RASGRF2: variants seen among roughly 807,000 people sequenced by gnomAD.
RASGRF2 encodes ras-specific guanine nucleotide-releasing factor 2.
Under a neutral mutation model 151.0 loss-of-function variants are expected in RASGRF2, and 76 were observed. That is an observed-to-expected ratio of 0.50 (90% CI 0.42 to 0.61). The LOEUF (loss-of-function observed/expected upper bound fraction) is 0.61, where lower values mean the gene tolerates loss of function less well. Ranked by LOEUF, RASGRF2 falls within the 20% of genes least tolerant of loss-of-function variation. The pLI is 0.00. For missense variants in RASGRF2, 1,148 were observed against 1,564.6 expected, an observed-to-expected ratio of 0.73 and a Z score of 4.49; for synonymous variants, 504 against 566.5, an observed-to-expected ratio of 0.89 and a Z score of 1.57.
chr5:81,070,284 ACTT>A, intron 3 of RASGRF2: 2 of 484,240 alleles, frequency 4.1e-6, no homozygotes, highest in South Asian at 4.6e-5. Flanking sequence ...TTACACAGTC[ACTT>A]CTTATAAACA....
At chr5:81,210,323 C>T (rs1408131831) in intron 22 of RASGRF2, 1 of 152,482 alleles carries the variant, frequency 6.6e-6, no homozygotes, top group East Asian at 1.9e-4. Context: ...TTGAGCCAGT[C>T]GCTCCCGCGC....
intron 1 of RASGRF2, among the ~76,000 whole-genome samples, chr5:80,976,233 T>G (rs1409675672): frequency 6.6e-6 from 1 of 152,138 alleles, no homozygotes; most frequent in Non-Finnish European, 1.5e-5. Flanking sequence ...AGAGCCACTC[T>G]TTGTTTAATG....
intron 3 of RASGRF2, 78 bp downstream of exon 3, chr5:81,068,257 A>G (rs1751669654): frequency 6.7e-7 from 1 of 1,492,058 alleles, no homozygotes; most frequent in Non-Finnish European, 9.0e-7. Flanking sequence ...AGGCCTATTC[A>G]GGGCAACATT....
At chr5:81,021,590 G>T (rs1481780754) in intron 1 of RASGRF2, among the ~76,000 whole-genome samples, 1 of 152,158 alleles carries the variant, frequency 6.6e-6, no homozygotes, top group Admixed American at 6.5e-5. Context: ...GTCTATCAGA[G>T]GGTGAGGCAG....
rs575911567 is a variant in RASGRF2 at position 81,185,818 on chromosome 5, G to A, written c.2793+5537G>A. Among the ~76,000 whole-genome samples, 161 of 152,318 alleles carry A rather than the reference G, an allele frequency of 1.1e-3. 1 individual carries two copies. The highest frequency in any genetic ancestry group is 2.7e-3 in the Admixed American group (42 of 15,302). Reference sequence around the variant, plus strand: ...AGGGCTAGAGGGAGGCTGGACTGAAGTTTTGAAGAATATACTGAACTGGAC... The same window carrying A: ...AGGGCTAGAGGGAGGCTGGACTGAAATTTTGAAGAATATACTGAACTGGAC... On this transcript the variant is annotated intron_variant, in intron 18 of 26. Coordinates refer to ENST00000265080, the MANE Select transcript of RASGRF2 (RefSeq NM_006909.3).
intron 17 of RASGRF2, among the ~76,000 whole-genome samples, chr5:81,174,253 C>A (rs1193993362): frequency 6.6e-6 from 1 of 152,186 alleles, no homozygotes; most frequent in Non-Finnish European, 1.5e-5. Context: ...AAGACACATA[C>A]ACTTGGTTTT....
At chr5:81,063,578 G>A (rs987363421) in intron 2 of RASGRF2, among the ~76,000 whole-genome samples, 1 of 151,978 alleles carries the variant, frequency 6.6e-6, no homozygotes, top group African/African-American at 2.4e-5. Context: ...CTATTGCAGT[G>A]TAACTTTTTT....
At chr5:80,965,738 G>A (rs34586090) in intron 1 of RASGRF2, among the ~76,000 whole-genome samples, 31,917 of 152,058 alleles carry the variant, frequency 0.21, 3,653 homozygotes, top group Middle Eastern at 0.33. Flanking sequence ...ATGATGACAA[G>A]ACCTAAAGCA....
intron 1 of RASGRF2, among the ~76,000 whole-genome samples, chr5:80,987,367 G>T (rs898403420): frequency 6.6e-6 from 1 of 152,144 alleles, no homozygotes; most frequent in Non-Finnish European, 1.5e-5. Context: ...CTAAGCATTC[G>T]GTCGAGTGAG....
intron 15 of RASGRF2, among the ~76,000 whole-genome samples, chr5:81,120,895 T>G (rs760408894): frequency 4.6e-5 from 7 of 152,240 alleles, no homozygotes; most frequent in Non-Finnish European, 1.0e-4. Context: ...GGAAACACTC[T>G]GGGTAGAAAG....
rs992349235 is a variant in RASGRF2, at chr5:81,229,594, G to A, written c.*3824G>A. The A allele has an allele frequency of 1.3e-5, 2 of 152,312 alleles. No individual in the cohort carries two copies. Among genetic ancestry groups the A allele is most frequent in the Admixed American group, 1.3e-4 (2 of 15,304 alleles). The allele number at this position is 152,312 out of a possible 1,614,324, so 9.4% of individuals were successfully genotyped here. On this transcript the variant is annotated 3_prime_UTR_variant, in exon 27 of 27. Transcript: ENST00000265080. ...GCCATGCAGCATGACATTAACATTA[G>A]GATTGATAGCACTAGTCTGATCTGC... is the stretch of plus-strand genomic sequence containing the variant.
intron 7 of RASGRF2, among the ~76,000 whole-genome samples, chr5:81,081,483 C>A (rs753198251): frequency 6.6e-6 from 1 of 152,290 alleles, no homozygotes; most frequent in East Asian, 1.9e-4. Flanking sequence ...GAAGTGAGAA[C>A]CAGGGAGGCC....
intron 15 of RASGRF2, among the ~76,000 whole-genome samples, chr5:81,119,581 C>G (rs1328497899): frequency 6.6e-6 from 1 of 152,160 alleles, no homozygotes; most frequent in Admixed American, 6.5e-5. Context: ...CTGGATCAAG[C>G]TCTTAGGGAA....
At chr5:80,961,092 C>T (rs973265322) in intron 1 of RASGRF2, 66 bp downstream of exon 1, 119 of 1,377,978 alleles carry the variant, frequency 8.6e-5, no homozygotes, top group Non-Finnish European at 9.7e-5. Context: ...CGTCCTAATC[C>T]GGGGATCAGG....
At chr5:81,033,364 AG>A (rs1310769983) in intron 1 of RASGRF2, among the ~76,000 whole-genome samples, 6 of 138,622 alleles carry the variant, frequency 4.3e-5, no homozygotes, top group Non-Finnish European at 9.4e-5. Context: ...AAAAGAACAA[AG>A]CTGGAGGCAT....
intron 15 of RASGRF2, among the ~76,000 whole-genome samples, chr5:81,122,019 T>C (rs1337058306): frequency 6.6e-6 from 1 of 152,236 alleles, no homozygotes; most frequent in African/African-American, 2.4e-5. Flanking sequence ...CCACTCGTCC[T>C]GCAGGCAAAG....
chr5:81,030,670 C>G (rs940258606), intron 1 of RASGRF2, among the ~76,000 whole-genome samples: 2 of 152,282 alleles, frequency 1.3e-5, no homozygotes, highest in African/African-American at 4.8e-5. Flanking sequence ...TGGAAAGGAA[C>G]AGCCAGTACC....
Position 81,080,611 on chromosome 5 carries a change from T to C in RASGRF2, c.983T>C (p.Ile328Thr). The C allele has an allele frequency of 6.2e-7, 1 of 1,613,828 alleles. No individual in the cohort carries two copies. The highest frequency in any genetic ancestry group is 8.5e-7 in the Non-Finnish European group (1 of 1,179,802). ...PTLILADLFD[I>T]LLPMLNIYQE... ...TTCTTTGCAGCTGATCTGTTTGATA[T>C]TTTGCTCCCCATGCTGAACATTTAT... The change falls in exon 7 of 27, where the codon ATT (isoleucine) becomes ACT (threonine). Residue 328 changes from isoleucine to threonine, a missense_variant. By Grantham distance (89) the Ile-to-Thr change is moderately conservative (BLOSUM62 -1). Transcript: ENST00000265080.
chr5:81,135,832 G>A lies in RASGRF2; in HGVS notation c.2686+8669G>A, dbSNP rs564984710. 2.0e-5 allele frequency among the ~76,000 whole-genome samples: 3 copies of A among 152,270 alleles called. No individual in the cohort carries two copies. The South Asian group carries it at 6.2e-4, about 32-fold the overall frequency. On this transcript the variant is annotated intron_variant, in intron 17 of 26. Coordinates refer to ENST00000265080, the MANE Select transcript of RASGRF2 (RefSeq NM_006909.3). ...TTGCTAGGTTGTGTGATAAGATTAT[G>A]TTTAACTGCTTAATAAACTGTCAAA...
Sources: allele counts gnomAD v4.1 joint callset (sites outside exome capture counted in the v4.1 genomes callset), GRCh38; gene constraint gnomAD v4.1.1; transcripts MANE v1.5; gene names NCBI Gene and HGNC (gene_info 2026-07-23, HGNC 2026-07-21).